Variants in FBXW11 observed in about 807,000 individuals in gnomAD.
FBXW11 encodes the protein F-box and WD repeat domain containing 11.
FBXW11 carries 19 observed loss-of-function variants against 77.6 expected under a neutral mutation model. The observed-to-expected ratio is 0.24, with a 90% CI of 0.17 to 0.36. The LOEUF (loss-of-function observed/expected upper bound fraction) is 0.36, where lower values mean the gene tolerates loss of function less well. Among genes scored for constraint, FBXW11 ranks in the 10% least tolerant of loss-of-function variants. FBXW11 has a pLI of 1.00. For synonymous variants in FBXW11, 235 were observed against 249.4 expected (o/e 0.94, Z 0.54); for missense variants, 334 against 704.2 (o/e 0.47, Z 5.95).
chr5:171,986,614 C>T (rs187373291), intron 1 of FBXW11, among the ~76,000 whole-genome samples: 10 of 151,906 alleles, frequency 6.6e-5, no homozygotes, highest in Non-Finnish European at 1.3e-4. Flanking sequence ...GTAGTCCCAG[C>T]TACTTAGGAG....
intron 2 of FBXW11, among the ~76,000 whole-genome samples, chr5:171,923,213 T>C (rs944085751): frequency 1.3e-5 from 2 of 152,174 alleles, no homozygotes; most frequent in African/African-American, 4.8e-5. Context: ...ACACCCAGCC[T>C]GGATAACAAA....
chr5:171,923,392 AGT>A (rs2113995319), intron 2 of FBXW11, among the ~76,000 whole-genome samples: 1 of 152,294 alleles, frequency 6.6e-6, no homozygotes, highest in East Asian at 1.9e-4. Context: ...GAAGTAATAA[AGT>A]TTAATGAAGT....
chr5:171,877,340 G>A (rs1758156716), intron 8 of FBXW11, among the ~76,000 whole-genome samples: 1 of 152,134 alleles, frequency 6.6e-6, no homozygotes, highest in African/African-American at 2.4e-5. Flanking sequence ...CCTCTGACAG[G>A]CCTCTGAGTC....
At chr5:172,002,414 ATGTGTGTGTGTG>A (rs55720474) in intron 1 of FBXW11, among the ~76,000 whole-genome samples, 11 of 143,980 alleles carry the variant, frequency 7.6e-5, no homozygotes, top group East Asian at 4.1e-4. Context: ...TTTTATATAA[ATGTGTGTGTGTG>A]TGTGTGTGTG....
At chr5:171,902,989 T>A (rs1375832158) in intron 4 of FBXW11, among the ~76,000 whole-genome samples, 1 of 152,258 alleles carries the variant, frequency 6.6e-6, no homozygotes, top group Non-Finnish European at 1.5e-5. Context: ...ACACTATCCC[T>A]TCATCCTTTA....
At chr5:171,914,600 T>C (rs1489298998) in intron 2 of FBXW11, among the ~76,000 whole-genome samples, 195 bp from the exon 3 acceptor site, 1 of 152,146 alleles carries the variant, frequency 6.6e-6, no homozygotes, top group African/African-American at 2.4e-5. Flanking sequence ...AAGTTAGTGG[T>C]TAGACAAAAG....
At chr5:171,958,025 G>A (rs1763707542) in intron 1 of FBXW11, among the ~76,000 whole-genome samples, 3 of 152,114 alleles carry the variant, frequency 2.0e-5, no homozygotes, top group Non-Finnish European at 2.9e-5. Context: ...TGAGATTGTC[G>A]ACTACAATTT....
At chr5:171,925,356 C>G (rs1214319992) in intron 2 of FBXW11, among the ~76,000 whole-genome samples, 3 of 152,190 alleles carry the variant, frequency 2.0e-5, no homozygotes, top group Non-Finnish European at 4.4e-5. Context: ...TCTCTAATAT[C>G]TGCCATCACC....
intron 6 of FBXW11, among the ~76,000 whole-genome samples, chr5:171,892,994 AC>A (rs1156497718): frequency 6.6e-6 from 1 of 152,244 alleles, no homozygotes; most frequent in African/African-American, 2.4e-5. Context: ...GTTACAATTT[AC>A]TGAAAGCTAC....
rs1180844270 is a variant in FBXW11, at chr5:172,001,779, G to A, written c.45+4679C>T. Among the ~76,000 whole-genome samples, 3 of 152,228 alleles carry A rather than the reference G, an allele frequency of 2.0e-5. No homozygotes were observed. In the East Asian group the frequency reaches 5.8e-4, roughly 29 times the overall value. On this transcript the variant is annotated intron_variant, in intron 1 of 13. Transcript: ENST00000517395. ...TTTATGGGTGGATAGGACTTCATTA[G>A]CATAAATGAAAGAGAAGATTGCTGA...
chr5:172,004,296 C>T (rs778734312), intron 1 of FBXW11, among the ~76,000 whole-genome samples: 21 of 152,128 alleles, frequency 1.4e-4, no homozygotes, highest in Non-Finnish European at 5.9e-5. Context: ...CAGGAAATAT[C>T]AAAATCCTTA....
At chr5:171,961,416 A>C (rs532840502) in intron 1 of FBXW11, among the ~76,000 whole-genome samples, 2 of 152,334 alleles carry the variant, frequency 1.3e-5, no homozygotes, top group East Asian at 3.9e-4. Flanking sequence ...GTGACCAGCC[A>C]CATTGCTGAA....
intron 7 of FBXW11, among the ~76,000 whole-genome samples, chr5:171,890,049 A>C (rs1759226089): frequency 6.6e-6 from 1 of 152,220 alleles, no homozygotes; most frequent in South Asian, 2.1e-4. Context: ...AAAATGGGTA[A>C]AAGATCTGAA....
rs899182412 is a variant in FBXW11, at chr5:171,917,764, C to G, written c.148-3359G>C. ...TACACATCCTTGCACTCTAGACTCA[C>G]TCTGTGTGTGTGTGTGTGTGTGTGT... On this transcript the variant is annotated intron_variant, in intron 2 of 13. Coordinates refer to ENST00000517395, the MANE Select transcript of FBXW11 (RefSeq NM_001378974.1). Among the ~76,000 whole-genome samples the G allele has an allele frequency of 1.1e-4, 7 of 65,734 alleles. No individual in the cohort carries two copies. In the South Asian group the frequency reaches 3.8e-3, roughly 36 times the overall value. 43.1% of individuals were successfully genotyped at this position (65,734 alleles called of 152,430 possible). A position where few individuals can be genotyped will look rare whatever the true frequency, so the allele number is the denominator to read the frequency against.
intron 1 of FBXW11, among the ~76,000 whole-genome samples, chr5:171,969,230 C>T (rs756390490): frequency 3.3e-5 from 5 of 152,248 alleles, no homozygotes; most frequent in Middle Eastern, 3.4e-3. Context: ...ATCACGCCAC[C>T]GCGCTCTAGC....
At chr5:171,948,599 C>A (rs1329607464) in intron 2 of FBXW11, among the ~76,000 whole-genome samples, 3 of 151,872 alleles carry the variant, frequency 2.0e-5, no homozygotes, top group East Asian at 1.9e-4. Flanking sequence ...ACAACAACAA[C>A]AAAAATCAAA....
At chr5:171,903,433 G>A (rs1760269831) in intron 4 of FBXW11, among the ~76,000 whole-genome samples, 2 of 152,044 alleles carry the variant, frequency 1.3e-5, no homozygotes, top group African/African-American at 4.8e-5. Flanking sequence ...CTTAAAATCA[G>A]GGAAATCCAA....
intron 2 of FBXW11, among the ~76,000 whole-genome samples, chr5:171,918,003 A>G (rs540999946): frequency 7.9e-5 from 12 of 152,100 alleles, no homozygotes; most frequent in Admixed American, 7.2e-4. Flanking sequence ...CTCAGCACAT[A>G]TTGGCAAACA....
Position 172,006,545 on chromosome 5 carries a change from G to A in FBXW11, c.-43C>T, listed in dbSNP as rs767800682. The A allele has an allele frequency of 1.3e-6, 2 of 1,481,718 alleles. No homozygotes were observed. Among genetic ancestry groups the A allele is most frequent in the Non-Finnish European group, 1.8e-6 (2 of 1,113,472 alleles). The allele number at this position is 1,481,718 out of a possible 1,614,324, so 91.8% of individuals were successfully genotyped here. On this transcript the variant is annotated 5_prime_UTR_variant, in exon 1 of 14. Transcript: ENST00000517395. ...CGCCTCGCTCTCCCCGCGCAGCAGC[G>A]AACGGCCCGGGCGGAGGAGGCGACG...
Sources: allele counts gnomAD v4.1 joint callset (sites outside exome capture counted in the v4.1 genomes callset), GRCh38; gene constraint gnomAD v4.1.1; transcripts MANE v1.5; gene names NCBI Gene and HGNC (gene_info 2026-07-23, HGNC 2026-07-21).